The following MBP variants were observed in gnomAD, a reference collection of about 807,000 sequenced individuals.
The protein encoded by MBP is Golli-MBP.
In MBP, 16 loss-of-function variants were observed where a neutral mutation model predicts 35.8. The ratio of observed to expected loss-of-function variants is 0.45; its 90% CI spans 0.30 to 0.68. MBP has a LOEUF of 0.68. Among genes scored for constraint, MBP ranks in the 30% least tolerant of loss-of-function variants. The pLI is 0.08. For missense variants in MBP, 380 were observed against 404.7 expected (o/e 0.94, Z 0.52); for synonymous variants, 143 against 159.6 (o/e 0.90, Z 0.78).
intron 2 of MBP, among the ~76,000 whole-genome samples, chr18:77,099,412 A>C (rs938662163): frequency 1.3e-5 from 2 of 152,252 alleles, no homozygotes; most frequent in African/African-American, 4.8e-5. Context: ...AAGAATTGTT[A>C]ACCATTTCAT....
At chr18:77,090,236 A>G (rs1975447308) in intron 2 of MBP, among the ~76,000 whole-genome samples, 1 of 152,198 alleles carries the variant, frequency 6.6e-6, no homozygotes, top group Admixed American at 6.5e-5. Context: ...CCTCCTTTTC[A>G]AAACAAAGTC....
intron 2 of MBP, among the ~76,000 whole-genome samples, chr18:77,071,005 C>G (rs1168569276): frequency 6.6e-6 from 1 of 152,118 alleles, no homozygotes; most frequent in East Asian, 1.9e-4. Flanking sequence ...CACGCACACG[C>G]ACATTGTAGG....
chr18:77,013,392 C>T (rs470871), intron 4 of MBP: 74,810 of 985,176 alleles, frequency 0.076, 2,982 homozygotes, highest in Middle Eastern at 0.12. Flanking sequence ...AAATGGTACA[C>T]GCCCCATGGG....
intron 3 of MBP, among the ~76,000 whole-genome samples, chr18:77,041,130 C>T (rs1380506262): frequency 6.6e-6 from 1 of 152,168 alleles, no homozygotes; most frequent in African/African-American, 2.4e-5. Context: ...TATGAACAGA[C>T]ACTTCTCAAA....
chr18:76,993,537 G>A (rs560865021), intron 4 of MBP, among the ~76,000 whole-genome samples: 4 of 139,322 alleles, frequency 2.9e-5, no homozygotes, highest in South Asian at 2.3e-4. Context: ...GCGACAGAGC[G>A]AGACTTTGTC....
At chr18:77,052,032 C>T (rs1973508838) in intron 3 of MBP, among the ~76,000 whole-genome samples, 1 of 152,156 alleles carries the variant, frequency 6.6e-6, no homozygotes, top group African/African-American at 2.4e-5. Flanking sequence ...AGCCGTGCGG[C>T]AGCACTGGAA....
chr18:77,056,167 G>A (rs1289214076), intron 3 of MBP, among the ~76,000 whole-genome samples: 1 of 152,208 alleles, frequency 6.6e-6, no homozygotes, highest in East Asian at 1.9e-4. Context: ...AGAGGCTTTG[G>A]GGAACACACT....
At chr18:77,097,030 G>A (rs942038538) in intron 2 of MBP, among the ~76,000 whole-genome samples, 1 of 152,210 alleles carries the variant, frequency 6.6e-6, no homozygotes, top group Non-Finnish European at 1.5e-5. Context: ...TGGGTTGGTG[G>A]GAAGTGGGGG....
intron 2 of MBP, among the ~76,000 whole-genome samples, chr18:77,081,797 T>TATATATATGCACACAC (rs1555726059): frequency 3.5e-5 from 2 of 57,136 alleles, no homozygotes; most frequent in African/African-American, 1.2e-4. Flanking sequence ...CACACACGTA[T>TATATATATGCACACAC]ATATATATGC....
At position 77,129,681 on chromosome 18, in the gene MBP, A is replaced by G. The variant is rs368601471; in HGVS notation, c.-26+2899T>C. Among the ~76,000 whole-genome samples the G allele has an allele frequency of 1.2e-4, 18 of 152,282 alleles. No individual in the cohort carries two copies. The East Asian group carries it at 1.5e-3, about 13-fold the overall frequency. ...TCCAGAGCTTCCTTCACGGGTTCCA[A>G]TGGGCCAACAGAAGTGTCTTACTAC... On this transcript the variant is annotated intron_variant, in intron 1 of 8. Coordinates refer to ENST00000355994, the MANE Select transcript of MBP (RefSeq NM_001025101.2).
chr18:77,113,877 G>A (rs979592762), intron 1 of MBP: 3 of 152,236 alleles, frequency 2.0e-5, no homozygotes, highest in East Asian at 1.9e-4. Context: ...GGAATTCTCT[G>A]CAAAGGACAA....
In MBP at chr18:77,131,652, C is replaced by CA. The variant is rs1568355222; in HGVS notation, c.-26+927dup. 6.6e-6 allele frequency: 1 copy of CA among 152,020 alleles called. No homozygotes were observed. The highest frequency in any genetic ancestry group is 1.9e-4 in the East Asian group (1 of 5,172). 9.4% of individuals were successfully genotyped at this position (152,020 alleles called of 1,614,324 possible). On this transcript the variant is annotated intron_variant, in intron 1 of 8. Transcript: ENST00000355994. The surrounding 1 kb of genome is among the most constrained non-coding windows in gnomAD (Gnocchi z 5.5). Reference sequence around the variant, plus strand: ...TTTTCCCAAGCCCCACTCCACCTTCCAAAACGGGGGGGCTCAGGTGGACGC... The same window carrying CA: ...TTTTCCCAAGCCCCACTCCACCTTCCAAAAACGGGGGGGCTCAGGTGGACGC...
intron 2 of MBP, among the ~76,000 whole-genome samples, chr18:77,097,740 T>C (rs1237708377): frequency 1.3e-5 from 2 of 152,158 alleles, no homozygotes; most frequent in Admixed American, 6.5e-5. Context: ...GCAATCGCTC[T>C]GCGAGTTACA....
At chr18:77,007,659 C>A (rs898737172) in intron 4 of MBP, among the ~76,000 whole-genome samples, 17 of 152,226 alleles carry the variant, frequency 1.1e-4, no homozygotes, top group Non-Finnish European at 2.4e-4. Context: ...CACACACGCA[C>A]ACACACCCCT....
At chr18:77,028,844 TCCCAGA>T (rs1972384619) in intron 3 of MBP, among the ~76,000 whole-genome samples, 1 of 92,420 alleles carries the variant, frequency 1.1e-5, no homozygotes. Context: ...GCTCCTCACT[TCCCAGA>T]TGTGATGGCG....
At chr18:76,987,702 G>A (rs903960341) in intron 7 of MBP, 6 of 994,906 alleles carry the variant, frequency 6.0e-6, no homozygotes, top group Non-Finnish European at 7.2e-6. Context: ...TCTACAATAC[G>A]TTGGTGGTTA....
intron 7 of MBP, chr18:76,985,183 G>C (rs751953710): frequency 2.0e-6 from 3 of 1,469,896 alleles, no homozygotes; most frequent in Non-Finnish European, 2.7e-6. Flanking sequence ...GATCTAAGTC[G>C]TTTAGGGAAC....
chr18:76,988,039 C>G lies in MBP; in HGVS notation c.750+456G>C. ...TATAAATCGAGCAACTCTATTTAGC[C>G]TCTTTTTCTGTTCATCAGCAGAATC... On this transcript the variant is annotated intron_variant, in intron 7 of 8. Coordinates refer to ENST00000355994, the MANE Select transcript of MBP (RefSeq NM_001025101.2). This position sits in a 1 kb window ranked among gnomAD's most constrained non-coding sequence, Gnocchi z 5.2. 7.1e-7 allele frequency: 1 copy of G among 1,403,786 alleles called. No homozygotes were observed. Among genetic ancestry groups the G allele is most frequent in the Non-Finnish European group, 9.3e-7 (1 of 1,078,908 alleles). The allele number at this position is 1,403,786 out of a possible 1,614,324, so 87.0% of individuals were successfully genotyped here. A position where few individuals can be genotyped will look rare whatever the true frequency, so the allele number is the denominator to read the frequency against.
chr18:77,068,632 A>C (rs11663912), intron 2 of MBP, among the ~76,000 whole-genome samples: 15,099 of 152,206 alleles, frequency 0.099, 992 homozygotes, highest in Non-Finnish European at 0.15. Context: ...CTTTGTGTAC[A>C]CCTGCCAGGC....
Sources: allele counts gnomAD v4.1 joint callset (sites outside exome capture counted in the v4.1 genomes callset), GRCh38; gene constraint gnomAD v4.1.1; non-coding constraint Gnocchi (gnomAD v3.1); transcripts MANE v1.5; gene names NCBI Gene and HGNC (gene_info 2026-07-23, HGNC 2026-07-21).